Variants in ABCC9 observed in about 807,000 individuals in gnomAD.
ABCC9 encodes ATP binding cassette subfamily C member 9.
In ABCC9, 95 loss-of-function variants were observed where a neutral mutation model predicts 188.3. The observed-to-expected ratio is 0.50, with a 90% CI of 0.43 to 0.60. The LOEUF is 0.60. Among genes scored for constraint, ABCC9 ranks in the 20% least tolerant of loss-of-function variants. ABCC9 has a pLI of 0.00. For missense variants in ABCC9, 1,102 were observed against 1,876.3 expected (o/e 0.59, Z 7.62); for synonymous variants, 659 against 652.7 (o/e 1.01, Z -0.15).
chr12:21,901,366 C>A (rs1947741006), intron 12 of ABCC9, among the ~76,000 whole-genome samples: 1 of 152,042 alleles, frequency 6.6e-6, no homozygotes, highest in Non-Finnish European at 1.5e-5. Context: ...AATTTTAAAG[C>A]CCATCGATGC....
At chr12:21,869,326 C>T (rs923464868) in intron 18 of ABCC9, among the ~76,000 whole-genome samples, 8 of 152,144 alleles carry the variant, frequency 5.3e-5, no homozygotes, top group Admixed American at 5.2e-4. Context: ...CCACAGCTAC[C>T]ATGTTACATC....
chr12:21,820,813 C>T (rs1325798899), intron 31 of ABCC9, among the ~76,000 whole-genome samples: 1 of 152,136 alleles, frequency 6.6e-6, no homozygotes, highest in Non-Finnish European at 1.5e-5. Flanking sequence ...CTAACTCCAG[C>T]CCTGTGGCTC....
chr12:21,930,265 A>G (rs759856574), intron 4 of ABCC9, among the ~76,000 whole-genome samples: 1 of 152,118 alleles, frequency 6.6e-6, no homozygotes, highest in African/African-American at 2.4e-5. Context: ...TCTACAGGTT[A>G]TTGATGTCAT....
intron 30 of ABCC9, among the ~76,000 whole-genome samples, chr12:21,835,641 G>A (rs574822301): frequency 6.6e-6 from 1 of 152,178 alleles, no homozygotes; most frequent in Admixed American, 6.5e-5. Flanking sequence ...TTTTCCACAG[G>A]ATCTCTCTTA....
At chr12:21,926,109 A>AATT in intron 4 of ABCC9, 46 bp from the exon 5 acceptor site, 1 of 1,613,070 alleles carries the variant, frequency 6.2e-7, no homozygotes, top group Non-Finnish European at 8.5e-7. Flanking sequence ...GGTTCCAGAT[A>AATT]ATTTCTTATT....
chr12:21,912,114 C>A (rs1289329161), intron 8 of ABCC9, among the ~76,000 whole-genome samples: 5 of 151,864 alleles, frequency 3.3e-5, no homozygotes, highest in African/African-American at 1.2e-4. Context: ...ACCGAAGAGG[C>A]AACATTTAAG....
chr12:21,916,003 C>A, intron 6 of ABCC9, 93 bp from the exon 7 acceptor site: 1 of 1,266,396 alleles, frequency 7.9e-7, no homozygotes, highest in South Asian at 1.4e-5. Context: ...ATTTTCATTT[C>A]AGGTGACCAA....
At chr12:21,929,977 T>TC (rs1949211507) in intron 4 of ABCC9, among the ~76,000 whole-genome samples, 2 of 108,648 alleles carry the variant, frequency 1.8e-5, no homozygotes, top group Non-Finnish European at 3.7e-5. Flanking sequence ...ATGCTATCCC[T>TC]CCCCCCTCCC....
At chr12:21,906,954 T>C (rs1948074900) in intron 11 of ABCC9, among the ~76,000 whole-genome samples, 1 of 152,102 alleles carries the variant, frequency 6.6e-6, no homozygotes, top group Non-Finnish European at 1.5e-5. Flanking sequence ...TGTTTCAGCT[T>C]CCTTCATCAC....
At chr12:21,858,757 C>T (rs1042821526) in intron 22 of ABCC9, among the ~76,000 whole-genome samples, 11 of 152,054 alleles carry the variant, frequency 7.2e-5, no homozygotes, top group African/African-American at 1.2e-4. Context: ...GTGGGAAACT[C>T]CAAAACCAAC....
chr12:21,910,366 A>G lies in ABCC9; in HGVS notation c.1165-54T>C, dbSNP rs113122586. ...AAGCTCTAAACTTAAAATTGACACT[A>G]TGATTATTTTCACTGAAAATAAATA... On this transcript the variant is annotated intron_variant, in intron 9 of 39. Transcript: ENST00000261200. 2.6e-3 allele frequency: 3,849 copies of G among 1,473,398 alleles called. 60 individuals are homozygous for G. The African/African-American group carries it at 0.036, about 14-fold the overall frequency. 91.3% of individuals were successfully genotyped at this position (1,473,398 alleles called of 1,614,324 possible).
chr12:21,836,359 C>T (rs772486637), intron 30 of ABCC9, among the ~76,000 whole-genome samples: 7 of 152,158 alleles, frequency 4.6e-5, no homozygotes, highest in Non-Finnish European at 5.9e-5. Context: ...CAAGCCTCAT[C>T]GCCACAGACA....
At position 21,809,930 on chromosome 12, in the gene ABCC9, A is replaced by C. The variant is rs1298675223; in HGVS notation, c.4237T>G (p.Cys1413Gly). Residue 1413 changes from cysteine to glycine, a missense_variant, in exon 37 of 40, where the codon TGC becomes GGC. Cys to Gly is a radical substitution (Grantham distance 159). Transcript: ENST00000261200. ...IRFNLDPECK[C>G]TDDRLWEALE... Reference sequence around the variant, plus strand: ...GCTTCCCAGAGTCTGTCATCTGTGCATTTGCACTCTGGATCTAAATTAAAT... The same window carrying C: ...GCTTCCCAGAGTCTGTCATCTGTGCCTTTGCACTCTGGATCTAAATTAAAT... 6.2e-7 allele frequency: 1 copy of C among 1,611,936 alleles called. No homozygotes were observed.
chr12:21,891,032 A>G (rs1435942834), intron 14 of ABCC9, among the ~76,000 whole-genome samples: 1 of 152,042 alleles, frequency 6.6e-6, no homozygotes, highest in Non-Finnish European at 1.5e-5. Context: ...TCTCTCAAAA[A>G]CTTCAAGGAT....
chr12:21,902,750 T>C (rs769027110), intron 12 of ABCC9, among the ~76,000 whole-genome samples: 68 of 152,126 alleles, frequency 4.5e-4, no homozygotes, highest in Non-Finnish European at 8.1e-4. Context: ...AGGAAGAAGT[T>C]GAATCCCTGA....
intron 14 of ABCC9, among the ~76,000 whole-genome samples, chr12:21,889,763 C>T (rs1317316232): frequency 6.6e-6 from 1 of 152,124 alleles, no homozygotes; most frequent in Non-Finnish European, 1.5e-5. Flanking sequence ...AAGCAATGGT[C>T]CCTGACCTTG....
At chr12:21,908,401 T>C (rs1948141840) in intron 10 of ABCC9, among the ~76,000 whole-genome samples, 190 bp from the exon 11 acceptor site, 1 of 151,910 alleles carries the variant, frequency 6.6e-6, no homozygotes, top group African/African-American at 2.4e-5. Flanking sequence ...ACAGTTGGGT[T>C]TTACTCTGAT....
chr12:21,897,454 G>C (rs1385049304), intron 12 of ABCC9, among the ~76,000 whole-genome samples: 1 of 152,150 alleles, frequency 6.6e-6, no homozygotes, highest in South Asian at 2.1e-4. Flanking sequence ...TAGCAGATGA[G>C]TATGAAGCAC....
intron 12 of ABCC9, among the ~76,000 whole-genome samples, chr12:21,898,632 C>T (rs1480871307): frequency 6.6e-6 from 1 of 152,036 alleles, no homozygotes; most frequent in Non-Finnish European, 1.5e-5. Context: ...ATATAAACTT[C>T]CAAAATTTTA....
Sources: allele counts gnomAD v4.1 joint callset (sites outside exome capture counted in the v4.1 genomes callset), GRCh38; gene constraint gnomAD v4.1.1; transcripts MANE v1.5; gene names NCBI Gene and HGNC (gene_info 2026-07-23, HGNC 2026-07-21).